CACNG4: variants seen among roughly 807,000 people sequenced by gnomAD.
CACNG4 encodes the protein voltage-dependent calcium channel gamma-4 subunit.
Under a neutral mutation model 22.9 loss-of-function variants are expected in CACNG4, and 8 were observed. The ratio of observed to expected loss-of-function variants is 0.35; its 90% CI spans 0.21 to 0.63. CACNG4 has a LOEUF of 0.63. Ranked by LOEUF, CACNG4 falls within the 30% of genes least tolerant of loss-of-function variation. The probability of loss-of-function intolerance (pLI) is 0.72; values close to 1 mark genes in which losing one functional copy is unlikely to be tolerated. For missense variants in CACNG4, 357 were observed against 455.4 expected (o/e 0.78, Z 1.97); for synonymous variants, 188 against 191.9 (o/e 0.98, Z 0.17).
intron 1 of CACNG4, among the ~76,000 whole-genome samples, chr17:66,987,747 C>T (rs1393630610): frequency 4.6e-5 from 7 of 152,150 alleles, no homozygotes; most frequent in Admixed American, 3.9e-4. Context: ...TGACTTTCCC[C>T]TTTTGACGGC....
chr17:67,008,218 G>A (rs2035448398), intron 1 of CACNG4, among the ~76,000 whole-genome samples: 1 of 152,098 alleles, frequency 6.6e-6, no homozygotes. Flanking sequence ...GGAAGCTAGG[G>A]CTCCCTGAGA....
intron 1 of CACNG4, among the ~76,000 whole-genome samples, chr17:66,988,171 C>T (rs905225956): frequency 6.6e-6 from 1 of 152,072 alleles, no homozygotes; most frequent in Non-Finnish European, 1.5e-5. Context: ...CACCTGGGAG[C>T]ATGTGAGGCC....
At position 67,027,401 on chromosome 17, in the gene CACNG4, G is replaced by T. The variant is rs947681923; in HGVS notation, c.445+2401G>T. Among the ~76,000 whole-genome samples, 4 of 152,210 alleles carry T rather than the reference G, an allele frequency of 2.6e-5. No homozygotes were observed. The highest frequency in any genetic ancestry group is 1.3e-4 in the Admixed American group (2 of 15,288). ...GGAAGCAATGGGGAGGCCAGCAAGGGGACATTGGCTTATTCCCTGGCGCAT... is the reference window on the plus strand; with the variant it reads ...GGAAGCAATGGGGAGGCCAGCAAGGTGACATTGGCTTATTCCCTGGCGCAT... On this transcript the variant is annotated intron_variant, in intron 3 of 3. Transcript: ENST00000262138. This position sits in a 1 kb window ranked among gnomAD's most constrained non-coding sequence, Gnocchi z 4.3.
intron 1 of CACNG4, among the ~76,000 whole-genome samples, chr17:66,966,298 G>C (rs1046008709): frequency 1.3e-5 from 2 of 152,202 alleles, no homozygotes; most frequent in Non-Finnish European, 2.9e-5. Flanking sequence ...TCAGATCGGG[G>C]ACCGGGTGGA....
chr17:66,978,511 C>T (rs1046424971), intron 1 of CACNG4, among the ~76,000 whole-genome samples: 1 of 152,264 alleles, frequency 6.6e-6, no homozygotes, highest in South Asian at 2.1e-4. Context: ...AAGAAAAGGA[C>T]ACAGATCCCC....
chr17:66,985,289 C>T (rs1455789536), intron 1 of CACNG4, among the ~76,000 whole-genome samples: 1 of 152,224 alleles, frequency 6.6e-6, no homozygotes, highest in Non-Finnish European at 1.5e-5. Flanking sequence ...TTCATTCATT[C>T]AGCAAATATT....
intron 1 of CACNG4, among the ~76,000 whole-genome samples, chr17:66,974,448 C>G (rs2035223758): frequency 6.6e-6 from 1 of 152,068 alleles, no homozygotes; most frequent in Non-Finnish European, 1.5e-5. Context: ...GGTTGGACCT[C>G]TAGAGTTCAA....
At chr17:67,023,028 C>G (rs1405385453) in intron 2 of CACNG4, among the ~76,000 whole-genome samples, 1 of 152,104 alleles carries the variant, frequency 6.6e-6, no homozygotes, top group East Asian at 1.9e-4. Context: ...GTTGGGGGAC[C>G]CTGCTTTCTC....
At chr17:66,965,685 C>T (rs1453676124) in intron 1 of CACNG4, among the ~76,000 whole-genome samples, 3 of 69,318 alleles carry the variant, frequency 4.3e-5, no homozygotes, top group Non-Finnish European at 8.2e-5. Flanking sequence ...TCTACAGGCT[C>T]GGGCTGAGGG....
intron 1 of CACNG4, among the ~76,000 whole-genome samples, chr17:67,015,492 C>A (rs1005487566): frequency 6.6e-6 from 1 of 152,184 alleles, no homozygotes; most frequent in Non-Finnish European, 1.5e-5. Flanking sequence ...TATTGCACTA[C>A]AGTTTTGCAC....
intron 1 of CACNG4, among the ~76,000 whole-genome samples, chr17:66,985,710 A>G (rs2035301494): frequency 6.6e-6 from 1 of 152,204 alleles, no homozygotes; most frequent in African/African-American, 2.4e-5. Flanking sequence ...GAAAAGTAGA[A>G]TCCTGTCCTG....
At chr17:67,015,989 A>G (rs1238501539) in intron 1 of CACNG4, among the ~76,000 whole-genome samples, 1 of 151,580 alleles carries the variant, frequency 6.6e-6, no homozygotes, top group Admixed American at 6.6e-5. Context: ...CCACCCCACC[A>G]CCCTGAGGCC....
intron 1 of CACNG4, among the ~76,000 whole-genome samples, chr17:66,970,543 A>G (rs1458059362): frequency 6.6e-6 from 1 of 152,168 alleles, no homozygotes; most frequent in Non-Finnish European, 1.5e-5. Context: ...TGCCCCTCAC[A>G]CCAGGGCAGG....
chr17:66,983,471 C>T (rs893490950), intron 1 of CACNG4, among the ~76,000 whole-genome samples: 3 of 152,156 alleles, frequency 2.0e-5, no homozygotes, highest in South Asian at 4.1e-4. Context: ...GAGCAGGACC[C>T]GCCCCTCAGG....
intron 3 of CACNG4, among the ~76,000 whole-genome samples, chr17:67,025,213 G>A (rs2035556828): frequency 6.6e-6 from 1 of 152,246 alleles, no homozygotes; most frequent in Admixed American, 6.5e-5. Flanking sequence ...CTTTTGGGGT[G>A]ACAGAAATGT....
chr17:67,013,457 C>T (rs1598119493), intron 1 of CACNG4, among the ~76,000 whole-genome samples: 1 of 152,302 alleles, frequency 6.6e-6, no homozygotes, highest in Non-Finnish European at 1.5e-5. Context: ...AAATAAAACA[C>T]TGGACACATG....
intron 1 of CACNG4, among the ~76,000 whole-genome samples, chr17:67,016,465 G>C (rs2035498283): frequency 6.6e-6 from 1 of 152,136 alleles, no homozygotes; most frequent in African/African-American, 2.4e-5. Flanking sequence ...ACGGCAGCTG[G>C]TAATCAGCTT....
intron 1 of CACNG4, among the ~76,000 whole-genome samples, chr17:67,006,103 G>A (rs963826944): frequency 4.6e-5 from 7 of 152,184 alleles, no homozygotes; most frequent in African/African-American, 1.4e-4. Flanking sequence ...CTTTTCACAA[G>A]GCACTCCACC....
At chr17:67,026,215 TTGTG>T (rs754646880) in intron 3 of CACNG4, among the ~76,000 whole-genome samples, 44 of 122,052 alleles carry the variant, frequency 3.6e-4, no homozygotes, top group African/African-American at 1.3e-3. Flanking sequence ...TGTGGTGTGT[TTGTG>T]TGTGTGAAGA....
Sources: allele counts gnomAD v4.1 joint callset (sites outside exome capture counted in the v4.1 genomes callset), GRCh38; gene constraint gnomAD v4.1.1; non-coding constraint Gnocchi (gnomAD v3.1); transcripts MANE v1.5; gene names NCBI Gene and HGNC (gene_info 2026-07-23, HGNC 2026-07-21).